The following SNTG1 variants were observed in gnomAD, a reference collection of about 807,000 sequenced individuals.
The protein encoded by SNTG1 is syntrophin gamma 1.
In SNTG1, 39 loss-of-function variants were observed where a neutral mutation model predicts 74.7. The observed-to-expected ratio is 0.52, with a 90% CI of 0.40 to 0.68. The LOEUF (loss-of-function observed/expected upper bound fraction) is 0.68. Among genes scored for constraint, SNTG1 ranks in the 30% least tolerant of loss-of-function variants. The pLI is 0.00. For missense variants in SNTG1, 685 were observed against 609.5 expected, an observed-to-expected ratio of 1.12 and a Z score of -1.30; for synonymous variants, 254 against 217.1, an observed-to-expected ratio of 1.17 and a Z score of -1.49.
At chr8:50,495,601 G>C (rs2093896664) in intron 8 of SNTG1, among the ~76,000 whole-genome samples, 2 of 152,110 alleles carry the variant, frequency 1.3e-5, no homozygotes, top group Middle Eastern at 3.4e-3. Flanking sequence ...TTCCAGCTGG[G>C]TAATTTCTGC....
chr8:50,581,769 T>C (rs897386368), intron 12 of SNTG1, among the ~76,000 whole-genome samples: 13 of 152,138 alleles, frequency 8.5e-5, no homozygotes, highest in African/African-American at 3.1e-4. Context: ...AGTTCTTTGG[T>C]TTCACAGACT....
intron 1 of SNTG1, among the ~76,000 whole-genome samples, chr8:50,149,005 A>C (rs2081970875): frequency 6.6e-6 from 1 of 152,220 alleles, no homozygotes; most frequent in African/African-American, 2.4e-5. Flanking sequence ...ATTAGTTTAC[A>C]GTCCCACCAA....
At position 50,687,436 on chromosome 8, in the gene SNTG1, C is replaced by T. The variant is rs577148520; in HGVS notation, c.1039-17164C>T. Among the ~76,000 whole-genome samples, 9 of 152,008 alleles carry T rather than the reference C, an allele frequency of 5.9e-5. No homozygotes were observed. In the East Asian group the frequency reaches 1.2e-3, roughly 20 times the overall value. ...TTTTAAGGACACACATGGAAGAAATCGAAAAAGACATTTCATGCAAATAGA... is the reference window on the plus strand; with the variant it reads ...TTTTAAGGACACACATGGAAGAAATTGAAAAAGACATTTCATGCAAATAGA... On this transcript the variant is annotated intron_variant, in intron 15 of 18. Transcript: ENST00000642720.
intron 1 of SNTG1, among the ~76,000 whole-genome samples, chr8:50,103,228 T>C (rs1468812689): frequency 6.6e-6 from 1 of 152,206 alleles, no homozygotes; most frequent in African/African-American, 2.4e-5. Context: ...TATCCTCTTT[T>C]ATTTCATTGA....
chr8:50,207,251 A>G (rs2084289831), intron 2 of SNTG1, among the ~76,000 whole-genome samples: 1 of 152,012 alleles, frequency 6.6e-6, no homozygotes, highest in Non-Finnish European at 1.5e-5. Flanking sequence ...AGAGCCTGTT[A>G]TTGGTCTATT....
At chr8:50,734,474 T>G (rs1236623519) in intron 17 of SNTG1, among the ~76,000 whole-genome samples, 1 of 151,306 alleles carries the variant, frequency 6.6e-6, no homozygotes, top group Non-Finnish European at 1.5e-5. Context: ...ACTTGAAAAT[T>G]CTCCCATCAT....
chr8:49,962,434 T>A (rs1810771680), intron 1 of SNTG1, among the ~76,000 whole-genome samples: 1 of 151,604 alleles, frequency 6.6e-6, no homozygotes, highest in South Asian at 2.1e-4. Context: ...CTCACATATA[T>A]CACATATAAA....
chr8:50,679,165 C>T (rs1585502796), intron 15 of SNTG1, among the ~76,000 whole-genome samples: 1 of 152,012 alleles, frequency 6.6e-6, no homozygotes, highest in Non-Finnish European at 1.5e-5. Flanking sequence ...TTCATGGCTA[C>T]CATTTATTTC....
At chr8:50,275,718 C>G (rs2088059447) in intron 2 of SNTG1, among the ~76,000 whole-genome samples, 1 of 152,156 alleles carries the variant, frequency 6.6e-6, no homozygotes, top group African/African-American at 2.4e-5. Context: ...CATTCAGCCC[C>G]CAGCAATTCA....
intron 1 of SNTG1, among the ~76,000 whole-genome samples, chr8:50,135,870 TGATA>T (rs1261605061): frequency 2.6e-5 from 4 of 152,164 alleles, no homozygotes; most frequent in Admixed American, 1.3e-4. Context: ...ACATAGTAGC[TGATA>T]GATAGTTTTT....
chr8:50,527,957 A>G (rs866614765), intron 9 of SNTG1, among the ~76,000 whole-genome samples: 4 of 151,460 alleles, frequency 2.6e-5, no homozygotes, highest in South Asian at 4.1e-4. Flanking sequence ...TTCATTGTCC[A>G]GTTGTTTATT....
chr8:50,744,215 A>G (rs1316309441), intron 17 of SNTG1, among the ~76,000 whole-genome samples: 1 of 152,016 alleles, frequency 6.6e-6, no homozygotes, highest in African/African-American at 2.4e-5. Context: ...TGTTTTGGCT[A>G]ATACATAATA....
At chr8:50,556,207 C>T (rs145689224) in intron 12 of SNTG1, among the ~76,000 whole-genome samples, 1 of 152,204 alleles carries the variant, frequency 6.6e-6, no homozygotes, top group East Asian at 1.9e-4. Context: ...ATGATGTCTA[C>T]TAGAATGAGG....
intron 2 of SNTG1, among the ~76,000 whole-genome samples, chr8:50,251,165 T>G (rs2086630102): frequency 6.6e-6 from 1 of 152,044 alleles, no homozygotes; most frequent in Non-Finnish European, 1.5e-5. Context: ...CCACTATACC[T>G]ATAAGACTTT....
chr8:50,057,702 T>A (rs773704284), intron 1 of SNTG1, among the ~76,000 whole-genome samples: 2 of 152,140 alleles, frequency 1.3e-5, no homozygotes, highest in Non-Finnish European at 2.9e-5. Flanking sequence ...TTCTTCCTCC[T>A]CTGTCTTTAG....
intron 1 of SNTG1, among the ~76,000 whole-genome samples, chr8:49,944,192 T>G (rs1244244925): frequency 6.6e-6 from 1 of 152,104 alleles, no homozygotes; most frequent in Non-Finnish European, 1.5e-5. Flanking sequence ...AACACCCATT[T>G]CACAACTCTC....
At chr8:50,307,735 G>GC (rs2130725574) in intron 2 of SNTG1, among the ~76,000 whole-genome samples, 1 of 152,004 alleles carries the variant, frequency 6.6e-6, no homozygotes, top group South Asian at 2.1e-4. Context: ...TGTCTTCGAT[G>GC]TTTTTCTTGT....
At chr8:50,174,493 A>G (rs1408151276) in intron 2 of SNTG1, among the ~76,000 whole-genome samples, 1 of 152,184 alleles carries the variant, frequency 6.6e-6, no homozygotes, top group South Asian at 2.1e-4. Flanking sequence ...TAAATTAAAC[A>G]GTGTATTTTC....
In SNTG1 at chr8:50,735,385, G is replaced by A. The variant is rs569041240; in HGVS notation, c.1285-16616G>A. Among the ~76,000 whole-genome samples, 13 of 151,948 alleles carry A rather than the reference G, an allele frequency of 8.6e-5. No individual in the cohort carries two copies. In the East Asian group the frequency reaches 2.5e-3, roughly 30 times the overall value. ...AGCTAAGAAACTTGAAAACAGGTTA[G>A]AGGAATTGCAAACTAGAATAGCCAG... On this transcript the variant is annotated intron_variant, in intron 17 of 18. Transcript: ENST00000642720.
Sources: gnomAD v4.1 joint callset for allele counts (sites outside exome capture counted in the v4.1 genomes callset) on GRCh38, gnomAD v4.1.1 for gene constraint, MANE v1.5 for transcripts, NCBI Gene and HGNC (gene_info 2026-07-23, HGNC 2026-07-21) for gene names.